The following CACNA2D3 variants were observed in gnomAD, a reference collection of about 807,000 sequenced individuals.
CACNA2D3 encodes the protein voltage-dependent calcium channel subunit alpha-2/delta-3.
CACNA2D3 carries 60 observed loss-of-function variants against 160.6 expected under a neutral mutation model. The ratio of observed to expected loss-of-function variants is 0.37; its 90% confidence interval spans 0.30 to 0.46. The LOEUF (loss-of-function observed/expected upper bound fraction) is 0.46, where lower values mean the gene tolerates loss of function less well. Ranked by LOEUF, CACNA2D3 falls within the 20% of genes least tolerant of loss-of-function variation. The pLI is 1.00. For missense variants in CACNA2D3, 1,205 were observed against 1,365.0 expected (o/e 0.88, Z 1.85); for synonymous variants, 558 against 492.9 (o/e 1.13, Z -1.75).
intron 11 of CACNA2D3, among the ~76,000 whole-genome samples, chr3:54,735,431 T>A (rs1701477112): frequency 6.6e-6 from 1 of 152,124 alleles, no homozygotes. Context: ...AAGGTTGAAG[T>A]CCCTTGGAAA....
At chr3:54,477,317 T>A (rs1305753689) in intron 4 of CACNA2D3, among the ~76,000 whole-genome samples, 1 of 151,978 alleles carries the variant, frequency 6.6e-6, no homozygotes, top group Admixed American at 6.6e-5. Flanking sequence ...CGGGAAAACT[T>A]AGTAAGTCGC....
chr3:54,237,704 C>G (rs1402885219), intron 2 of CACNA2D3, among the ~76,000 whole-genome samples: 1 of 152,122 alleles, frequency 6.6e-6, no homozygotes, highest in Non-Finnish European at 1.5e-5. Context: ...GATTGAAAAT[C>G]CAAGTGCTTC....
At chr3:54,558,147 G>T (rs1702268491) in intron 5 of CACNA2D3, among the ~76,000 whole-genome samples, 1 of 152,170 alleles carries the variant, frequency 6.6e-6, no homozygotes, top group Non-Finnish European at 1.5e-5. Context: ...CTAGCATTAT[G>T]TTGCTCATTG....
chr3:54,255,162 T>A (rs1053971055), intron 2 of CACNA2D3, among the ~76,000 whole-genome samples: 1 of 152,244 alleles, frequency 6.6e-6, no homozygotes, highest in African/African-American at 2.4e-5. Flanking sequence ...GAATCATGTT[T>A]GATTTTATAG....
chr3:54,925,158 G>C, intron 27 of CACNA2D3: 2 of 1,614,028 alleles, frequency 1.2e-6, no homozygotes, highest in Middle Eastern at 1.6e-4. Flanking sequence ...ACACTTGTCC[G>C]GGCAGCTGCA....
intron 2 of CACNA2D3, among the ~76,000 whole-genome samples, chr3:54,135,517 G>A (rs1170289785): frequency 2.0e-5 from 3 of 152,244 alleles, no homozygotes; most frequent in Non-Finnish European, 2.9e-5. Flanking sequence ...AGAGTTATAT[G>A]GATTTAATGG....
intron 13 of CACNA2D3, among the ~76,000 whole-genome samples, chr3:54,805,253 G>C (rs967375336): frequency 5.9e-5 from 9 of 152,158 alleles, no homozygotes; most frequent in African/African-American, 9.7e-5. Context: ...AAAAATTAAT[G>C]AATCCAGGAG....
intron 14 of CACNA2D3, among the ~76,000 whole-genome samples, chr3:54,821,713 T>TTCC (rs1337268886): frequency 1.9e-5 from 2 of 106,574 alleles, no homozygotes; most frequent in African/African-American, 3.2e-5. Flanking sequence ...TCCTTCCTTC[T>TTCC]TTCCTCTCTC....
chr3:54,308,230 C>T (rs1703653456), intron 2 of CACNA2D3, among the ~76,000 whole-genome samples: 1 of 152,156 alleles, frequency 6.6e-6, no homozygotes, highest in Admixed American at 6.5e-5. Flanking sequence ...CCTGGCTCCC[C>T]TGGTGATTTA....
intron 35 of CACNA2D3, among the ~76,000 whole-genome samples, chr3:55,050,247 G>A (rs1232429220): frequency 6.6e-6 from 1 of 150,868 alleles, no homozygotes; most frequent in South Asian, 2.1e-4. Context: ...GGTACCGGTT[G>A]TTCCTTTCCA....
chr3:54,481,629 C>T (rs1057274912), intron 4 of CACNA2D3, among the ~76,000 whole-genome samples: 9 of 152,180 alleles, frequency 5.9e-5, no homozygotes, highest in Non-Finnish European at 1.3e-4. Flanking sequence ...TTCTCCAGAG[C>T]GGTTGAAAAG....
At chr3:54,261,885 T>A (rs1559900136) in intron 2 of CACNA2D3, among the ~76,000 whole-genome samples, 1 of 152,116 alleles carries the variant, frequency 6.6e-6, no homozygotes, top group Non-Finnish European at 1.5e-5. Context: ...GAATGCGTGG[T>A]CCCCATACTT....
rs374911074 is a variant in CACNA2D3, at chr3:54,390,921, G to C, written c.381+4147G>C. 3.9e-5 allele frequency among the ~76,000 whole-genome samples: 6 copies of C among 152,152 alleles called. No individual in the cohort carries two copies. In the East Asian group the frequency reaches 9.7e-4, roughly 25 times the overall value. On this transcript the variant is annotated intron_variant, in intron 4 of 37. Coordinates refer to ENST00000474759, the MANE Select transcript of CACNA2D3 (RefSeq NM_018398.3). ...TCAAAAAAATTTCAGACTACCATCT[G>C]CTCACTGTGAAATAACGCTGAGAAG...
At chr3:54,676,091 T>C (rs1368664696) in intron 11 of CACNA2D3, among the ~76,000 whole-genome samples, 1 of 152,182 alleles carries the variant, frequency 6.6e-6, no homozygotes, top group Non-Finnish European at 1.5e-5. Context: ...GAGCCTCCAG[T>C]TCCTCGTCTT....
At chr3:54,915,627 G>T (rs540711237) in intron 27 of CACNA2D3, among the ~76,000 whole-genome samples, 2 of 152,198 alleles carry the variant, frequency 1.3e-5, no homozygotes, top group South Asian at 4.2e-4. Context: ...CTGCAAATTG[G>T]GTCTTTCATC....
At position 54,122,862 on chromosome 3, in the gene CACNA2D3, G is replaced by A. The variant is rs916688485; in HGVS notation, c.122+27G>A. 2.5e-6 allele frequency: 3 copies of A among 1,221,670 alleles called. No individual in the cohort carries two copies. In the African/African-American group the frequency reaches 4.7e-5, roughly 19 times the overall value. 75.7% of individuals were successfully genotyped at this position (1,221,670 alleles called of 1,614,324 possible). A position where few individuals can be genotyped will look rare whatever the true frequency, so the allele number is the denominator to read the frequency against. On this transcript the variant is annotated intron_variant, in intron 1 of 37. Transcript: ENST00000474759. ...TAAGTGCCGGCTCCTGCGCCGCCCG[G>A]GGAGGGGACCTTGCCGCCTGCGACC...
chr3:54,125,665 G>C (rs1476336950), intron 2 of CACNA2D3, among the ~76,000 whole-genome samples: 1 of 152,102 alleles, frequency 6.6e-6, no homozygotes, highest in African/African-American at 2.4e-5. Flanking sequence ...AACTTGGGGA[G>C]CATTTTTCAG....
chr3:54,140,265 A>G (rs1699898945), intron 2 of CACNA2D3, among the ~76,000 whole-genome samples: 1 of 152,214 alleles, frequency 6.6e-6, no homozygotes, highest in Non-Finnish European at 1.5e-5. Context: ...TGTGAAAACA[A>G]ATATTTGTCC....
At chr3:55,057,290 A>C (rs1704387139) in intron 35 of CACNA2D3, among the ~76,000 whole-genome samples, 1 of 152,250 alleles carries the variant, frequency 6.6e-6, no homozygotes, top group African/African-American at 2.4e-5. Flanking sequence ...TGAGAATAAT[A>C]CAGATATGTA....
Sources: gnomAD v4.1 joint callset for allele counts (sites outside exome capture counted in the v4.1 genomes callset) on GRCh38, gnomAD v4.1.1 for gene constraint, MANE v1.5 for transcripts, NCBI Gene and HGNC (gene_info 2026-07-23, HGNC 2026-07-21) for gene names.